The following RYR2 variants were observed in gnomAD, a reference collection of about 807,000 sequenced individuals.
The protein encoded by RYR2 is ryanodine receptor 2, also known as cardiac muscle ryanodine receptor-calcium release channel.
Under a neutral mutation model 601.1 loss-of-function variants are expected in RYR2, and 227 were observed. The observed-to-expected ratio is 0.38, with a 90% confidence interval of 0.34 to 0.42. RYR2 has a LOEUF of 0.42. Among genes scored for constraint, RYR2 ranks in the 10% least tolerant of loss-of-function variants. The pLI, the probability that RYR2 is intolerant of heterozygous loss-of-function variation, is 1.00. For missense variants in RYR2, 4,646 were observed against 6,156.5 expected (o/e 0.75, Z 8.21); for synonymous variants, 2,223 against 2,175.1 (o/e 1.02, Z -0.61).
At chr1:237,256,226 G>A (rs555947837) in intron 1 of RYR2, among the ~76,000 whole-genome samples, 22 of 152,262 alleles carry the variant, frequency 1.4e-4, no homozygotes, top group East Asian at 3.9e-4. Context: ...GCCTGCCGCC[G>A]TGTAAGATGT....
At chr1:237,072,540 G>A (rs1335847513) in intron 1 of RYR2, among the ~76,000 whole-genome samples, 102 of 152,240 alleles carry the variant, frequency 6.7e-4, no homozygotes, top group Non-Finnish European at 1.9e-4. Context: ...AATGCCAAAA[G>A]GAGCTGTGGG....
intron 12 of RYR2, among the ~76,000 whole-genome samples, chr1:237,433,610 C>T (rs1200947158): frequency 6.6e-6 from 1 of 152,078 alleles, no homozygotes; most frequent in Non-Finnish European, 1.5e-5. Context: ...TGATCATGGT[C>T]TCTGTTCTTT....
At chr1:237,603,325 G>A (rs1676718215) in intron 35 of RYR2, among the ~76,000 whole-genome samples, 1 of 152,146 alleles carries the variant, frequency 6.6e-6, no homozygotes, top group Admixed American at 6.5e-5. Context: ...TAAGTGGGAG[G>A]CCCCTGGTGC....
chr1:237,177,493 G>A (rs961308689), intron 1 of RYR2, among the ~76,000 whole-genome samples: 2 of 152,198 alleles, frequency 1.3e-5, no homozygotes, highest in East Asian at 3.9e-4. Context: ...TTTAAAAACT[G>A]CATACGAGCA....
chr1:237,613,957 G>A (rs1032503522), intron 36 of RYR2, 82 bp from the exon 37 acceptor site: 105 of 1,318,032 alleles, frequency 8.0e-5, no homozygotes, highest in Non-Finnish European at 1.0e-4. Flanking sequence ...CAAATTTACA[G>A]TGCATACTGA....
At chr1:237,798,937 A>G (rs773462689) in intron 97 of RYR2, among the ~76,000 whole-genome samples, 8 of 152,200 alleles carry the variant, frequency 5.3e-5, no homozygotes, top group Non-Finnish European at 1.2e-4. Context: ...TGGAAGAAAC[A>G]TAATACTTTC....
chr1:237,167,910 A>T (rs1329300789), intron 1 of RYR2, among the ~76,000 whole-genome samples: 1 of 152,120 alleles, frequency 6.6e-6, no homozygotes, highest in Non-Finnish European at 1.5e-5. Context: ...AGTTATGTGA[A>T]GTCAGTTTAG....
At position 237,664,557 on chromosome 1, in the gene RYR2, A is replaced by G. The variant is rs147521127; in HGVS notation, c.8437-1955A>G. Among the ~76,000 whole-genome samples, 80 of 152,318 alleles carry G rather than the reference A, an allele frequency of 5.3e-4. No individual in the cohort carries two copies. The East Asian group carries it at 0.013, about 24-fold the overall frequency. ...AACCAAGTGAGAGGGGTTTCCCCTTATGAAACCACCAGATCTTGTGAGACT... is the reference window on the plus strand; with the variant it reads ...AACCAAGTGAGAGGGGTTTCCCCTTGTGAAACCACCAGATCTTGTGAGACT... On this transcript the variant is annotated intron_variant, in intron 56 of 104. Coordinates refer to ENST00000366574, the MANE Select transcript of RYR2 (RefSeq NM_001035.3).
intron 95 of RYR2, among the ~76,000 whole-genome samples, chr1:237,795,078 C>A (rs1332618303): frequency 1.3e-5 from 2 of 152,128 alleles, no homozygotes; most frequent in African/African-American, 4.8e-5. Flanking sequence ...AGCTTATAAT[C>A]TTTTGTATAT....
rs1484562285 is a variant in RYR2, at chr1:237,106,644, C to T, written c.48+64075C>T. ...ACTGTCCTTGAAAAAATGGATTTCT[C>T]AGTGTGATGTGTATACAGTGTCCCT... On this transcript the variant is annotated intron_variant, in intron 1 of 104. Transcript: ENST00000366574. The surrounding 1 kb of genome is among the most constrained non-coding windows in gnomAD (Gnocchi z 4.4). Among the ~76,000 whole-genome samples the T allele has an allele frequency of 6.6e-6, 1 of 152,156 alleles. No homozygotes were observed. The highest frequency in any genetic ancestry group is 6.5e-5 in the Admixed American group (1 of 15,274).
intron 3 of RYR2, among the ~76,000 whole-genome samples, chr1:237,346,237 C>A (rs896123132): frequency 6.6e-6 from 1 of 151,708 alleles, no homozygotes; most frequent in Non-Finnish European, 1.5e-5. Context: ...TGTGGTGCAA[C>A]GTGCCTGTAG....
intron 1 of RYR2, among the ~76,000 whole-genome samples, chr1:237,045,670 T>C (rs1660482776): frequency 6.6e-6 from 1 of 152,172 alleles, no homozygotes; most frequent in African/African-American, 2.4e-5. Context: ...AACATATCCA[T>C]GATTTGGAAT....
At chr1:237,735,246 AAAGT>A (rs888324832) in intron 79 of RYR2, among the ~76,000 whole-genome samples, 1 of 152,160 alleles carries the variant, frequency 6.6e-6, no homozygotes, top group African/African-American at 2.4e-5. Context: ...GTAGTGTGAG[AAAGT>A]AAGTAGTGAT....
At chr1:237,245,007 A>C (rs895541627) in intron 1 of RYR2, among the ~76,000 whole-genome samples, 28 of 152,294 alleles carry the variant, frequency 1.8e-4, no homozygotes, top group African/African-American at 5.8e-4. Flanking sequence ...CAAGAGTTCC[A>C]GACCAGCCTG....
At chr1:237,396,070 C>T (rs1033211739) in intron 10 of RYR2, among the ~76,000 whole-genome samples, 1 of 152,196 alleles carries the variant, frequency 6.6e-6, no homozygotes, top group Non-Finnish European at 1.5e-5. Flanking sequence ...ATAACTCTTG[C>T]ACTTTAATGT....
At chr1:237,094,605 C>T (rs1475303779) in intron 1 of RYR2, among the ~76,000 whole-genome samples, 2 of 152,224 alleles carry the variant, frequency 1.3e-5, no homozygotes, top group East Asian at 3.9e-4. Flanking sequence ...GACGGAGTCT[C>T]GCTCTGTCGC....
rs190445891 is a variant in RYR2 at position 237,406,229 on chromosome 1, C to T, written c.774-10820C>T. The stretch of plus-strand genomic sequence containing the variant: ...CCTCCCTTCCCCTCCCCTCCCCTCC[C>T]CTCTCCCATCTCTTTATACGTAGTT... On this transcript the variant is annotated intron_variant, in intron 10 of 104. Coordinates refer to ENST00000366574, the MANE Select transcript of RYR2 (RefSeq NM_001035.3). Among the ~76,000 whole-genome samples, 276 of 124,036 alleles carry T rather than the reference C, an allele frequency of 2.2e-3. 7 individuals are homozygous for T. Among genetic ancestry groups the T allele is most frequent in the African/African-American group, 8.3e-3 (264 of 31,886 alleles). The allele number at this position is 124,036 out of a possible 152,430, so 81.4% of individuals were successfully genotyped here.
chr1:237,488,412 A>T (rs1662938101), intron 17 of RYR2, among the ~76,000 whole-genome samples: 1 of 152,164 alleles, frequency 6.6e-6, no homozygotes, highest in Admixed American at 6.5e-5. Context: ...GGTGGAAGGG[A>T]CAGCAAGCTC....
chr1:237,516,290 A>ATT (rs35406659), intron 24 of RYR2, among the ~76,000 whole-genome samples: 10 of 150,284 alleles, frequency 6.7e-5, no homozygotes, highest in South Asian at 4.2e-4. Context: ...TTTCTTTCGT[A>ATT]TTTTTTTTTG....
Sources: gnomAD v4.1 joint callset for allele counts (sites outside exome capture counted in the v4.1 genomes callset) on GRCh38, gnomAD v4.1.1 for gene constraint, Gnocchi (gnomAD v3.1) non-coding constraint, MANE v1.5 for transcripts, NCBI Gene and HGNC (gene_info 2026-07-23, HGNC 2026-07-21) for gene names.